SCN11A: variants seen among roughly 807,000 people sequenced by gnomAD.
The protein encoded by SCN11A is sodium channel protein type 11 subunit alpha.
A neutral mutation model predicts 162.2 loss-of-function variants in SCN11A; 122 were observed. The observed-to-expected ratio is 0.75, with a 90% CI of 0.65 to 0.87. The LOEUF is 0.87. Ranked by LOEUF, SCN11A falls within the 40% of genes least tolerant of loss-of-function variation. The pLI is 0.00. For synonymous variants in SCN11A, 758 were observed against 751.5 expected (o/e 1.01, Z -0.14); for missense variants, 2,015 against 2,181.6 (o/e 0.92, Z 1.52).
chr3:39,036,992 G>A, intron 1 of SCN11A, among the ~76,000 whole-genome samples: 1 of 152,134 alleles, frequency 6.6e-6, no homozygotes, highest in East Asian at 1.9e-4. Context: ...CAAAAGAAAG[G>A]AAATCAGTAT....
rs1337666533 is a variant in SCN11A, at chr3:38,907,954, T to C, written c.1468A>G (p.Lys490Glu). The change falls in exon 14 of 30, where the codon AAA (lysine) becomes GAA (glutamate). Residue 490 changes from lysine (K) to glutamate (E), a missense_variant. Lys to Glu is a moderately conservative substitution (Grantham distance 56). Coordinates refer to ENST00000302328, the MANE Select transcript of SCN11A (RefSeq NM_001349253.2). Reference protein sequence around the residue: ...PGSDSDEDCQKKPQLLEQTKR... With the variant: ...PGSDSDEDCQEKPQLLEQTKR... ...ATTCCCTGGAAAAGACTTACCTTTT[T>C]TTGGCAATCTTCATCAGAATCTGAC... is the stretch of plus-strand genomic sequence containing the variant. 3 of 1,599,010 alleles carry C rather than the reference T, an allele frequency of 1.9e-6. No homozygotes were observed. In the South Asian group the frequency reaches 3.4e-5, roughly 18 times the overall value.
In SCN11A at chr3:38,896,830, AT is replaced by A; in HGVS notation, c.2403+14del. 1.3e-6 allele frequency: 2 copies of A among 1,481,588 alleles called. No individual in the cohort carries two copies. The highest frequency in any genetic ancestry group is 4.9e-5 in the Admixed American group (2 of 40,986). 91.8% of individuals were successfully genotyped at this position (1,481,588 alleles called of 1,614,324 possible). On this transcript the variant is annotated intron_variant, in intron 18 of 29. Transcript: ENST00000302328. ...GATCTTTTTTTTTTTTTTGAAAAAA[AT>A]CTAAGACACATACCACAAGTTTTCC...
Position 38,871,429 on chromosome 3 carries a change from T to C in SCN11A, c.3759+16A>G, listed in dbSNP as rs758435793. 2.6e-6 allele frequency: 4 copies of C among 1,565,436 alleles called. No individual in the cohort carries two copies. The Admixed American group carries it at 5.9e-5, about 23-fold the overall frequency. On this transcript the variant is annotated intron_variant, in intron 25 of 29. Coordinates refer to ENST00000302328, the MANE Select transcript of SCN11A (RefSeq NM_001349253.2). ...GTTTTTCTCCTCAGAGTGAAAAACA[T>C]ACTGACTGTACTTACCACTTGCAGC... is the stretch of plus-strand genomic sequence containing the variant.
At chr3:38,957,400 ATCT>A (rs2066694816) in intron 3 of SCN11A, among the ~76,000 whole-genome samples, 1 of 152,220 alleles carries the variant, frequency 6.6e-6, no homozygotes, top group African/African-American at 2.4e-5. Context: ...GGATGAAAAC[ATCT>A]TCTGATTCAA....
At chr3:38,986,265 C>T (rs113436821) in intron 2 of SCN11A, among the ~76,000 whole-genome samples, 18 of 150,948 alleles carry the variant, frequency 1.2e-4, no homozygotes, top group Non-Finnish European at 8.8e-5. Flanking sequence ...GCCGACAGAG[C>T]CAGCAGATGC....
intron 1 of SCN11A, among the ~76,000 whole-genome samples, chr3:39,039,814 C>T (rs2031998557): frequency 6.6e-6 from 1 of 152,098 alleles, no homozygotes; most frequent in Admixed American, 6.5e-5. Flanking sequence ...ACCCTGCCCC[C>T]TCCAGTGGCA....
intron 7 of SCN11A, among the ~76,000 whole-genome samples, chr3:38,932,833 C>G (rs2066265246): frequency 2.0e-5 from 3 of 152,224 alleles, no homozygotes; most frequent in African/African-American, 7.2e-5. Context: ...CCTCTGCAGA[C>G]TTAGATGTCC....
At chr3:38,940,514 G>T (rs530585715) in intron 7 of SCN11A, among the ~76,000 whole-genome samples, 1 of 152,182 alleles carries the variant, frequency 6.6e-6, no homozygotes, top group Non-Finnish European at 1.5e-5. Flanking sequence ...AGAAAGTCCA[G>T]AAATAGATCT....
At chr3:39,037,393 T>C (rs909799015) in intron 1 of SCN11A, among the ~76,000 whole-genome samples, 1 of 152,092 alleles carries the variant, frequency 6.6e-6, no homozygotes, top group African/African-American at 2.4e-5. Context: ...TTAGATAGAA[T>C]GAATAAAACC....
chr3:38,945,571 G>T, intron 6 of SCN11A, 59 bp from the exon 7 acceptor site: 4 of 1,203,008 alleles, frequency 3.3e-6, no homozygotes, highest in East Asian at 2.5e-5. Context: ...TTAGCTACTG[G>T]GTAAGACTGG....
At chr3:39,010,592 A>G (rs2031103712) in intron 2 of SCN11A, among the ~76,000 whole-genome samples, 2 of 151,994 alleles carry the variant, frequency 1.3e-5, no homozygotes, top group Non-Finnish European at 2.9e-5. Flanking sequence ...GTTAGCCAGG[A>G]TGGTCTTGAT....
intron 19 of SCN11A, among the ~76,000 whole-genome samples, chr3:38,889,643 C>T (rs2065460872): frequency 6.7e-6 from 1 of 149,422 alleles, no homozygotes; most frequent in South Asian, 2.1e-4. Context: ...ACTAAAAATA[C>T]AAAAAAATCA....
intron 28 of SCN11A, among the ~76,000 whole-genome samples, chr3:38,859,909 C>T (rs775080196): frequency 7.2e-5 from 11 of 152,150 alleles, no homozygotes; most frequent in Non-Finnish European, 1.6e-4. Context: ...AGCCCCTGGG[C>T]TCCAAGAGTC....
intron 16 of SCN11A, among the ~76,000 whole-genome samples, 161 bp downstream of exon 16, chr3:38,903,704 C>T (rs989241857): frequency 6.6e-6 from 1 of 152,104 alleles, no homozygotes; most frequent in African/African-American, 2.4e-5. Context: ...TGAAATGAAC[C>T]GGGTAAAAGT....
intron 1 of SCN11A, among the ~76,000 whole-genome samples, chr3:39,033,902 C>A (rs936321395): frequency 3.9e-5 from 6 of 152,108 alleles, no homozygotes; most frequent in African/African-American, 1.4e-4. Flanking sequence ...TGGTGGCTCA[C>A]ACTTGTAATC....
rs749395356 is a variant in SCN11A at position 38,894,778 on chromosome 3, G to T, written c.2590C>A (p.Pro864Thr). ...CHKWCRKQNLPQQKEVAGGCA... is the reference protein window; with the variant it reads ...CHKWCRKQNLTQQKEVAGGCA... The stretch of plus-strand genomic sequence containing the variant: ...CCTCCTGCCACCTCTTTTTGCTGTG[G>T]TAAGTTTTGCTTCCTGCACCACTTG... The change falls in exon 19 of 30, where the codon CCA (proline) becomes ACA (threonine). Residue 864 changes from proline to threonine, a missense_variant. Physicochemically the swap from Pro to Thr is conservative, Grantham distance 38 (BLOSUM62 -1). Transcript: ENST00000302328. The T allele has an allele frequency of 5.0e-6, 8 of 1,614,030 alleles. No homozygotes were observed. The African/African-American group carries it at 1.1e-4, about 22-fold the overall frequency.
chr3:38,881,460 G>T (rs2065307800), intron 22 of SCN11A, among the ~76,000 whole-genome samples: 1 of 152,170 alleles, frequency 6.6e-6, no homozygotes, highest in African/African-American at 2.4e-5. Context: ...GCAGATCTGA[G>T]TTAGCTCAAT....
chr3:38,900,654 C>A (rs1256126970), intron 16 of SCN11A, among the ~76,000 whole-genome samples: 1 of 146,290 alleles, frequency 6.8e-6, no homozygotes, highest in East Asian at 2.0e-4. Context: ...AGTCTTTGAG[C>A]AACTCAATAT....
At chr3:39,018,514 G>A (rs887203318) in intron 2 of SCN11A, among the ~76,000 whole-genome samples, 6 of 152,226 alleles carry the variant, frequency 3.9e-5, no homozygotes, top group African/African-American at 1.2e-4. Flanking sequence ...GATGTTGAGT[G>A]TCTTTAAAAA....
Sources: gnomAD v4.1 joint callset for allele counts (sites outside exome capture counted in the v4.1 genomes callset) on GRCh38, gnomAD v4.1.1 for gene constraint, MANE v1.5 for transcripts, NCBI Gene and HGNC (gene_info 2026-07-23, HGNC 2026-07-21) for gene names.